The following C17orf114 variants were observed in gnomAD, a reference collection of about 807,000 sequenced individuals.
C17orf114 encodes the protein chromosome 17 open reading frame 114, also known as uncharacterized protein C17orf114.
upstream of C17orf114, chr17:4,806,638 TTTGTAGCCACCACCCCTCAGGCC>T (rs1905835710): frequency 2.0e-5 from 3 of 152,112 alleles, no homozygotes; most frequent in Admixed American, 6.5e-5. Context: ...CACTAATGGG[TTTGTAGCCACCACCCCTCAGGCC>T]TTTTACGCCC....
chr17:4,806,675 T>A (rs577387013), upstream of C17orf114: 18 of 152,222 alleles, frequency 1.2e-4, no homozygotes, highest in African/African-American at 4.3e-4. Flanking sequence ...TACGCCCTCA[T>A]TCCTTCCAGG....
chr17:4,805,437 G>A (rs1369934576), upstream of C17orf114, among the ~76,000 whole-genome samples: 1 of 150,044 alleles, frequency 6.7e-6, no homozygotes, highest in African/African-American at 2.5e-5. Context: ...AAAAAAATTA[G>A]CAAAAGGCCG....
At chr17:4,805,288 G>A (rs1905638934), upstream of C17orf114, among the ~76,000 whole-genome samples, 1 of 151,098 alleles carries the variant, frequency 6.6e-6, no homozygotes, top group Non-Finnish European at 1.5e-5. Context: ...AATTAGCTAG[G>A]CGTGGTGGCA....
At chr17:4,803,550 G>T (rs1244967203), upstream of C17orf114, among the ~76,000 whole-genome samples, 1 of 144,868 alleles carries the variant, frequency 6.9e-6, no homozygotes, top group African/African-American at 2.6e-5. Context: ...TCAGCCTCCT[G>T]AGTAGCTGGG....
At chr17:4,802,367 G>A (rs1433129280), upstream of C17orf114, 3 of 398,724 alleles carry the variant, frequency 7.5e-6, no homozygotes, top group African/African-American at 2.1e-5. Flanking sequence ...GAGGGCCCCC[G>A]GGAGAGGGGT....
chr17:4,801,159 T>G (rs994966697), exon 2 of C17orf114: 6 of 395,896 alleles, frequency 1.5e-5, no homozygotes, highest in African/African-American at 1.2e-4. Flanking sequence ...CACACAGCAC[T>G]TAGCAACTAT....
At chr17:4,804,609 T>C (rs2150663461), upstream of C17orf114, among the ~76,000 whole-genome samples, 1 of 151,342 alleles carries the variant, frequency 6.6e-6, no homozygotes, top group East Asian at 1.9e-4. Flanking sequence ...CTTTCTTTTT[T>C]TTTTTTTTTT....
At chr17:4,805,638 C>T (rs778483927), upstream of C17orf114, among the ~76,000 whole-genome samples, 3 of 150,344 alleles carry the variant, frequency 2.0e-5, no homozygotes, top group Admixed American at 6.7e-5. Context: ...CACGCCACTG[C>T]AGTCCAGCAT....
At chr17:4,803,627 C>T (rs1036079786), upstream of C17orf114, among the ~76,000 whole-genome samples, 14 of 151,360 alleles carry the variant, frequency 9.2e-5, no homozygotes, top group Non-Finnish European at 1.8e-4. Context: ...GGGGTTTCAC[C>T]GTGTTAGCCA....
upstream of C17orf114, chr17:4,806,736 G>C (rs2150664923): frequency 6.6e-6 from 1 of 151,996 alleles, no homozygotes; most frequent in East Asian, 1.9e-4. Flanking sequence ...GGGTCCGGGA[G>C]CGGGGCACCT....
upstream of C17orf114, among the ~76,000 whole-genome samples, chr17:4,803,416 A>ATTTTTTT (rs34116712): frequency 6.6e-5 from 5 of 75,450 alleles, no homozygotes; most frequent in Non-Finnish European, 9.1e-5. Context: ...GTTTTTTTTA[A>ATTTTTTT]TTTTTTTTTT....
upstream of C17orf114, among the ~76,000 whole-genome samples, chr17:4,803,391 C>A (rs940458926): frequency 6.6e-6 from 1 of 150,594 alleles, no homozygotes; most frequent in Non-Finnish European, 1.5e-5. Context: ...GTCAGTCTGA[C>A]CCCAAAAATC....
At chr17:4,803,020 GA>G (rs1296241206), upstream of C17orf114, among the ~76,000 whole-genome samples, 1 of 151,954 alleles carries the variant, frequency 6.6e-6, no homozygotes, top group East Asian at 1.9e-4. Context: ...GGGTTGAAGT[GA>G]TTTTCCTGCC....
At chr17:4,805,858 CAGG>C (rs1905734171), upstream of C17orf114, among the ~76,000 whole-genome samples, 1 of 150,066 alleles carries the variant, frequency 6.7e-6, no homozygotes, top group Non-Finnish European at 1.5e-5. Context: ...GAGGCTGAGG[CAGG>C]AGAATGGCGT....
chr17:4,802,268 G>T, exon 1 of C17orf114: 1 of 399,682 alleles, frequency 2.5e-6, no homozygotes, highest in Non-Finnish European at 4.4e-6. Context: ...TCAGTCCCCC[G>T]CTGCCTCCGG....
At chr17:4,801,629 G>A (rs8068595) in intron 1 of C17orf114, among the ~76,000 whole-genome samples, 174 bp from the exon 2 acceptor site, 5 of 152,148 alleles carry the variant, frequency 3.3e-5, no homozygotes, top group Non-Finnish European at 7.3e-5. Flanking sequence ...GAGCAAGCAG[G>A]ACTGGCTCGC....
chr17:4,801,427 G>A (rs751427034), exon 2 of C17orf114: 3 of 398,838 alleles, frequency 7.5e-6, no homozygotes, highest in Non-Finnish European at 8.8e-6. Context: ...TAGCTGGACT[G>A]GGATCTGGAG....
chr17:4,801,843 G>A (rs1307424632), intron 1 of C17orf114, among the ~76,000 whole-genome samples: 1 of 151,480 alleles, frequency 6.6e-6, no homozygotes, highest in Admixed American at 6.6e-5. Context: ...TGATTCTCCT[G>A]CCTCAGCCTC....
chr17:4,803,790 C>T (rs961848205), upstream of C17orf114, among the ~76,000 whole-genome samples: 3 of 151,668 alleles, frequency 2.0e-5, no homozygotes, highest in African/African-American at 7.3e-5. Context: ...GGTGCAATCT[C>T]GTCTCACTGC....
Sources: allele counts gnomAD v4.1 joint callset (sites outside exome capture counted in the v4.1 genomes callset), GRCh38; gene constraint gnomAD v4.1.1; transcripts MANE v1.5; gene names NCBI Gene and HGNC (gene_info 2026-07-23, HGNC 2026-07-21).